NBPF9: variants seen among roughly 807,000 people sequenced by gnomAD.
NBPF9 encodes NBPF family member NBPF9.
A neutral mutation model predicts 97.8 loss-of-function variants in NBPF9; 91 were observed. The ratio of observed to expected loss-of-function variants is 0.93; its 90% CI spans 0.79 to 1.11. The LOEUF is 1.11. Ranked by LOEUF, NBPF9 falls within the 50% of genes least tolerant of loss-of-function variation. The pLI, the probability that NBPF9 is intolerant of heterozygous loss-of-function variation, is 0.00. For missense variants in NBPF9, 992 were observed against 939.5 expected, an observed-to-expected ratio of 1.06 and a Z score of -0.73; for synonymous variants, 334 against 359.5, an observed-to-expected ratio of 0.93 and a Z score of 0.80.
Position 149,062,958 on chromosome 1 carries a change from C to G in NBPF9, c.2027-45G>C, listed in dbSNP as rs782261993. The G allele has an allele frequency of 9.2e-6, 7 of 759,838 alleles. No homozygotes were observed. In the African/African-American group the frequency reaches 1.1e-4, roughly 12 times the overall value. The allele number at this position is 759,838 out of a possible 1,614,324, so 47.1% of individuals were successfully genotyped here. ...GGACAGTCATATTAAGCTGGTTCTC[C>G]TACACACATAACAATCCACTGTCTA... On this transcript the variant is annotated intron_variant, in intron 20 of 29. Transcript: ENST00000584027.
chr1:149,098,131 A>C, intron 4 of NBPF9, among the ~76,000 whole-genome samples: 3 of 145,106 alleles, frequency 2.1e-5, no homozygotes, highest in African/African-American at 5.0e-5. Context: ...GGGGCAGAGA[A>C]TGGGGGGTAA....
chr1:149,098,516 A>G lies in NBPF9; in HGVS notation c.-415T>C. ...GTGCACCGAATGGGGAAGTTTCTAC[A>G]TCAGTACCTCGGAGAGTCCACTGGA... is the stretch of plus-strand genomic sequence containing the variant. On this transcript the variant is annotated 5_prime_UTR_variant, in exon 4 of 30. An upstream start codon of the reference 5' UTR is lost. Coordinates refer to ENST00000584027, the Ensembl canonical transcript of NBPF9. 1 of 1,519,448 alleles carries G rather than the reference A, an allele frequency of 6.6e-7. No individual in the cohort carries two copies. The highest frequency in any genetic ancestry group is 8.9e-7 in the Non-Finnish European group (1 of 1,129,080). The allele number at this position is 1,519,448 out of a possible 1,614,324, so 94.1% of individuals were successfully genotyped here.
chr1:149,089,720 ATTG>A (rs782326460), intron 5 of NBPF9, among the ~76,000 whole-genome samples: 2 of 152,310 alleles, frequency 1.3e-5, no homozygotes, highest in South Asian at 2.1e-4. Flanking sequence ...GAGTCAAGAT[ATTG>A]TTATTTTCAA....
rs1575840360 is a variant in NBPF9, at chr1:149,073,751, C to G, written c.1091+17G>C. The G allele has an allele frequency of 2.5e-6, 4 of 1,581,234 alleles. No individual in the cohort carries two copies. Among genetic ancestry groups the G allele is most frequent in the Non-Finnish European group, 3.5e-6 (4 of 1,157,026 alleles). ...TACACACCTGCCCCCCTGCCTGCCC[C>G]CATGGGGTCCCCTCACCTGAGCTCC... is the stretch of plus-strand genomic sequence containing the variant. On this transcript the variant is annotated intron_variant, in intron 13 of 29. Transcript: ENST00000584027.
intron 29 of NBPF9, among the ~76,000 whole-genome samples, 169 bp downstream of exon 29, chr1:149,056,343 G>A (rs1553648990): frequency 9.7e-6 from 1 of 103,402 alleles, no homozygotes. Context: ...GATAAGGGGA[G>A]GAAGAAATGG....
intron 17 of NBPF9, among the ~76,000 whole-genome samples, chr1:149,069,002 C>T (rs2079201660): frequency 4.6e-5 from 7 of 152,190 alleles, no homozygotes; most frequent in Admixed American, 4.6e-4. Flanking sequence ...GGAAACTGAA[C>T]AACCTGCTCC....
intron 7 of NBPF9, 134 bp downstream of exon 7, chr1:149,081,831 T>G: frequency 3.0e-6 from 2 of 675,952 alleles, no homozygotes; most frequent in Non-Finnish European, 4.7e-6. Flanking sequence ...AACCAAATGT[T>G]AAAATACCCA....
intron 10 of NBPF9, among the ~76,000 whole-genome samples, 181 bp downstream of exon 10, chr1:149,077,702 C>T (rs1216226514): frequency 4.6e-5 from 7 of 151,992 alleles, no homozygotes; most frequent in Admixed American, 6.6e-5. Context: ...AGACATGACA[C>T]TTGGCACACA....
Position 149,072,713 on chromosome 1 carries a change from C to T in NBPF9, c.1306+5G>A, listed in dbSNP as rs1553653230. On this transcript the variant is annotated splice_donor_5th_base_variant and intron_variant, in intron 14 of 29. Coordinates refer to ENST00000584027, the Ensembl canonical transcript of NBPF9. ...TTGGGTCAACAGGGCCTATGGCCAC[C>T]TTACCTGGGCTGAGCTTTTGGACAA... 1.2e-6 allele frequency: 2 copies of T among 1,611,666 alleles called. No homozygotes were observed. Among genetic ancestry groups the T allele is most frequent in the African/African-American group, 1.3e-5 (1 of 74,850 alleles).
chr1:149,080,850 C>T (rs1223187078), intron 7 of NBPF9, among the ~76,000 whole-genome samples: 7 of 150,148 alleles, frequency 4.7e-5, no homozygotes, highest in African/African-American at 7.4e-5. Context: ...GGAAATGCCT[C>T]ATGTAATTCA....
chr1:149,098,628 C>T (rs1393071777), exon 4 of NBPF9: 82 of 1,116,864 alleles, frequency 7.3e-5, no homozygotes, highest in Admixed American at 2.7e-4. Context: ...CTCAGGAGGA[C>T]GGTAAGGGAC....
At chr1:149,071,981 G>A (rs1347699749) in intron 14 of NBPF9, among the ~76,000 whole-genome samples, 2 of 148,538 alleles carry the variant, frequency 1.3e-5, no homozygotes, top group Non-Finnish European at 3.0e-5. Context: ...CATCCTGCCA[G>A]ATCTGATTCC....
intron 14 of NBPF9, among the ~76,000 whole-genome samples, chr1:149,072,368 T>C (rs1299247565): frequency 2.6e-5 from 4 of 152,170 alleles, no homozygotes; most frequent in Admixed American, 6.5e-5. Context: ...ACTAAGAACA[T>C]TGCCGAAAAG....
At chr1:149,065,944 C>G (rs1327226760) in intron 17 of NBPF9, 1 of 599,528 alleles carries the variant, frequency 1.7e-6, no homozygotes, top group African/African-American at 1.9e-5. Context: ...CCAGACTCTC[C>G]CTGTAAACTA....
In NBPF9 at chr1:149,073,890, C is replaced by T. The variant is rs782533634; in HGVS notation, c.989-20G>A. ...CATACTCTGAGAAAAGACAGACACG[C>T]CTGCCTCAGTGGAAGGCTGGACATG... On this transcript the variant is annotated intron_variant, in intron 12 of 29. Transcript: ENST00000584027. 4.2e-6 allele frequency: 6 copies of T among 1,425,832 alleles called. No homozygotes were observed. The highest frequency in any genetic ancestry group is 4.6e-5 in the East Asian group (2 of 43,446). The allele number at this position is 1,425,832 out of a possible 1,614,324, so 88.3% of individuals were successfully genotyped here. A position where few individuals can be genotyped will look rare whatever the true frequency, so the allele number is the denominator to read the frequency against.
At chr1:149,079,828 C>A (rs1416089398) in intron 8 of NBPF9, among the ~76,000 whole-genome samples, 1 of 152,220 alleles carries the variant, frequency 6.6e-6, no homozygotes, top group African/African-American at 2.4e-5. Flanking sequence ...TTCACATCAA[C>A]AATTACTTGT....
intron 13 of NBPF9, 127 bp downstream of exon 13, chr1:149,073,641 C>T (rs587656790): frequency 1.7e-5 from 13 of 746,606 alleles, no homozygotes; most frequent in East Asian, 2.5e-5. Flanking sequence ...TTGTGTGTAG[C>T]GAGCCTGCCA....
At chr1:149,097,141 G>A (rs1238624634) in intron 4 of NBPF9, among the ~76,000 whole-genome samples, 1 of 151,396 alleles carries the variant, frequency 6.6e-6, no homozygotes, top group South Asian at 2.1e-4. Flanking sequence ...AAAGAATAAA[G>A]AGAGAGAGAA....
Position 149,060,810 on chromosome 1 carries a change from C to T in NBPF9, c.2304-115G>A, listed in dbSNP as rs1445725397. 5.2e-6 allele frequency: 2 copies of T among 384,674 alleles called. 1 individual carries two copies. Among genetic ancestry groups the T allele is most frequent in the Non-Finnish European group, 8.9e-6 (2 of 223,764 alleles). The allele number at this position is 384,674 out of a possible 1,614,324, so 23.8% of individuals were successfully genotyped here. A position where few individuals can be genotyped will look rare whatever the true frequency, so the allele number is the denominator to read the frequency against. On this transcript the variant is annotated intron_variant, in intron 23 of 29. Coordinates refer to ENST00000584027, the Ensembl canonical transcript of NBPF9. The stretch of plus-strand genomic sequence containing the variant: ...GGTTAAAAAACTAAAAGGATAGATC[C>T]ATTAATGAGGTAACAAATTATTGCC...
Sources: gnomAD v4.1 joint callset for allele counts (sites outside exome capture counted in the v4.1 genomes callset) on GRCh38, gnomAD v4.1.1 for gene constraint, MANE v1.5 for transcripts, NCBI Gene and HGNC (gene_info 2026-07-23, HGNC 2026-07-21) for gene names.